The following PRKAR2B variants were observed in gnomAD, a reference collection of about 807,000 sequenced individuals.
The protein encoded by PRKAR2B is cAMP-dependent protein kinase type II-beta regulatory subunit.
In PRKAR2B, 14 loss-of-function variants were observed where a neutral mutation model predicts 49.9. The ratio of observed to expected loss-of-function variants is 0.28; its 90% CI spans 0.19 to 0.44. PRKAR2B has a LOEUF of 0.44. PRKAR2B is among the 20% of genes least tolerant of loss of function. The pLI is 1.00. For missense variants in PRKAR2B, 393 were observed against 537.9 expected (o/e 0.73, Z 2.67); for synonymous variants, 196 against 197.7 (o/e 0.99, Z 0.07).
intron 2 of PRKAR2B, among the ~76,000 whole-genome samples, chr7:107,096,193 T>C (rs911095406): frequency 6.6e-6 from 1 of 152,204 alleles, no homozygotes; most frequent in Admixed American, 6.5e-5. Context: ...CTGTTATTGG[T>C]CTATTTAGGG....
intron 2 of PRKAR2B, among the ~76,000 whole-genome samples, chr7:107,094,339 CT>C (rs1185248459): frequency 6.6e-6 from 1 of 152,034 alleles, no homozygotes; most frequent in Non-Finnish European, 1.5e-5. Flanking sequence ...TATCCTTTGC[CT>C]TTTTGATGGG....
chr7:107,049,617 CT>C (rs766573303), intron 1 of PRKAR2B, among the ~76,000 whole-genome samples: 45 of 148,788 alleles, frequency 3.0e-4, no homozygotes, highest in East Asian at 2.2e-3. Context: ...GAGTTATATA[CT>C]TTTTTTTTTG....
chr7:107,080,662 A>G (rs1352302534), intron 2 of PRKAR2B, among the ~76,000 whole-genome samples: 1 of 152,204 alleles, frequency 6.6e-6, no homozygotes, highest in Admixed American at 6.5e-5. Context: ...TATTCACTGT[A>G]AATACTTGTT....
chr7:107,132,729 A>G (rs1054725287), intron 4 of PRKAR2B, among the ~76,000 whole-genome samples: 1 of 152,126 alleles, frequency 6.6e-6, no homozygotes, highest in Non-Finnish European at 1.5e-5. Context: ...AGGGGAAACT[A>G]ATTAGTAATT....
chr7:107,121,617 T>TGAATTTAA (rs1795390559), intron 2 of PRKAR2B, among the ~76,000 whole-genome samples: 1 of 152,164 alleles, frequency 6.6e-6, no homozygotes, highest in Non-Finnish European at 1.5e-5. Flanking sequence ...CATCATTTCA[T>TGAATTTAA]GGCAGACAGC....
At chr7:107,100,047 A>C (rs1000137801) in intron 2 of PRKAR2B, among the ~76,000 whole-genome samples, 1 of 152,108 alleles carries the variant, frequency 6.6e-6, no homozygotes, top group African/African-American at 2.4e-5. Context: ...CATGGTTTAT[A>C]AATATTTTAT....
intron 2 of PRKAR2B, among the ~76,000 whole-genome samples, chr7:107,071,084 ACC>A (rs1794263759): frequency 1.3e-5 from 2 of 152,234 alleles, no homozygotes; most frequent in African/African-American, 4.8e-5. Flanking sequence ...TAGAAAATTC[ACC>A]ATATGGCTTA....
chr7:107,045,522 A>G (rs1365166225), intron 1 of PRKAR2B, among the ~76,000 whole-genome samples: 1 of 152,206 alleles, frequency 6.6e-6, no homozygotes, highest in Non-Finnish European at 1.5e-5. Flanking sequence ...TCTGCTAGAA[A>G]GACAACTTTC....
At chr7:107,116,427 C>A (rs1795274269) in intron 2 of PRKAR2B, among the ~76,000 whole-genome samples, 1 of 151,970 alleles carries the variant, frequency 6.6e-6, no homozygotes. Context: ...GTCTTGATTT[C>A]TAGACTGTTT....
intron 2 of PRKAR2B, among the ~76,000 whole-genome samples, chr7:107,083,155 G>A (rs1278932848): frequency 6.6e-6 from 1 of 151,114 alleles, no homozygotes; most frequent in East Asian, 1.9e-4. Flanking sequence ...GAGGTGAGAC[G>A]ATCCCTTGAG....
chr7:107,155,053 C>T (rs573504044), intron 8 of PRKAR2B, among the ~76,000 whole-genome samples: 86 of 152,034 alleles, frequency 5.7e-4, no homozygotes, highest in Admixed American at 2.4e-3. Context: ...GTTAGGATGA[C>T]GCAGGGTGCA....
intron 10 of PRKAR2B, among the ~76,000 whole-genome samples, chr7:107,159,101 G>A (rs1340832006): frequency 6.6e-6 from 1 of 152,148 alleles, no homozygotes; most frequent in African/African-American, 2.4e-5. Flanking sequence ...CACCCTTGAG[G>A]AGTTCACATT....
chr7:107,049,347 A>G (rs1414140500), intron 1 of PRKAR2B, among the ~76,000 whole-genome samples: 3 of 152,240 alleles, frequency 2.0e-5, no homozygotes, highest in African/African-American at 7.2e-5. Context: ...GAAGAAAAAG[A>G]TCTAGAGTTC....
intron 1 of PRKAR2B, among the ~76,000 whole-genome samples, chr7:107,045,916 C>T (rs1301434347): frequency 6.6e-6 from 1 of 152,134 alleles, no homozygotes; most frequent in Non-Finnish European, 1.5e-5. Flanking sequence ...ATATAAAAGA[C>T]ATATTGAATG....
intron 2 of PRKAR2B, among the ~76,000 whole-genome samples, chr7:107,070,641 G>T (rs2116772982): frequency 6.6e-6 from 1 of 152,278 alleles, no homozygotes; most frequent in African/African-American, 2.4e-5. Flanking sequence ...CGATCTGTAT[G>T]GTTGTCTGAT....
At chr7:107,150,110 T>G (rs6977868) in intron 6 of PRKAR2B, among the ~76,000 whole-genome samples, 130,846 of 152,006 alleles carry the variant, frequency 0.86, 56,715 homozygotes, top group African/African-American at 0.96. Context: ...TGAATGCCAA[T>G]CTAACATAAT....
chr7:107,070,467 C>T (rs1794243339), intron 2 of PRKAR2B, 151 bp downstream of exon 2: 1 of 678,890 alleles, frequency 1.5e-6, no homozygotes, highest in African/African-American at 1.9e-5. Context: ...CTGATATAAT[C>T]ACTATCTAGG....
chr7:107,120,508 A>G (rs924436759), intron 2 of PRKAR2B, among the ~76,000 whole-genome samples: 3 of 152,188 alleles, frequency 2.0e-5, no homozygotes, highest in Admixed American at 6.6e-5. Flanking sequence ...GGACCTAGGA[A>G]GACATTCGTC....
At position 107,159,807 on chromosome 7, in the gene PRKAR2B, C is replaced by A; in HGVS notation, c.*225C>A. The stretch of plus-strand genomic sequence containing the variant: ...AAAAATCAACATACTGATAAAATGA[C>A]TTTGTACTCCACAAAATTATGACTG... On this transcript the variant is annotated 3_prime_UTR_variant, in exon 11 of 11. Transcript: ENST00000265717. 2.4e-6 allele frequency: 1 copy of A among 425,490 alleles called. No homozygotes were observed. The highest frequency in any genetic ancestry group is 5.7e-5 in the South Asian group (1 of 17,596). 26.4% of individuals were successfully genotyped at this position (425,490 alleles called of 1,614,324 possible).
Sources: allele counts gnomAD v4.1 joint callset (sites outside exome capture counted in the v4.1 genomes callset), GRCh38; gene constraint gnomAD v4.1.1; transcripts MANE v1.5; gene names NCBI Gene and HGNC (gene_info 2026-07-23, HGNC 2026-07-21).